ZBTB20: variants seen among roughly 807,000 people sequenced by gnomAD.
ZBTB20 encodes the protein zinc finger and BTB domain containing 20, also known as zinc finger and BTB domain-containing protein 20.
Under a neutral mutation model 56.9 loss-of-function variants are expected in ZBTB20, and 9 were observed. The ratio of observed to expected loss-of-function variants is 0.16; its 90% CI spans 0.10 to 0.28. The LOEUF is 0.28. Among genes scored for constraint, ZBTB20 ranks in the 10% least tolerant of loss-of-function variants. The probability of loss-of-function intolerance (pLI) is 1.00; values close to 1 mark genes in which losing one functional copy is unlikely to be tolerated. For missense variants in ZBTB20, 655 were observed against 1,003.0 expected, an observed-to-expected ratio of 0.65 and a Z score of 4.69; for synonymous variants, 417 against 420.7, an observed-to-expected ratio of 0.99 and a Z score of 0.11.
intron 4 of ZBTB20, among the ~76,000 whole-genome samples, chr3:114,844,498 T>C (rs1298552769): frequency 1.2e-4 from 11 of 92,978 alleles, no homozygotes; most frequent in South Asian, 4.1e-4. Flanking sequence ...TCCAGGCTGG[T>C]TGACAGAGCA....
At chr3:114,570,100 C>T (rs1195044722) in intron 6 of ZBTB20, among the ~76,000 whole-genome samples, 1 of 152,030 alleles carries the variant, frequency 6.6e-6, no homozygotes, top group Non-Finnish European at 1.5e-5. Flanking sequence ...CAGTAATTTG[C>T]AATAAGGATA....
chr3:114,857,536 C>T (rs1029714997), intron 4 of ZBTB20, among the ~76,000 whole-genome samples: 1 of 152,216 alleles, frequency 6.6e-6, no homozygotes, highest in East Asian at 1.9e-4. Context: ...TTACTAGCGC[C>T]GTTATCCTAT....
intron 1 of ZBTB20, among the ~76,000 whole-genome samples, chr3:115,142,391 G>C (rs531526346): frequency 1.3e-5 from 2 of 152,056 alleles, no homozygotes; most frequent in Non-Finnish European, 2.9e-5. Context: ...GGCTGGGCAC[G>C]GTGGCTCACA....
chr3:114,558,375 A>G (rs954527291), intron 6 of ZBTB20, among the ~76,000 whole-genome samples: 2 of 151,930 alleles, frequency 1.3e-5, no homozygotes, highest in African/African-American at 4.8e-5. Context: ...ACAGTACCTC[A>G]TTTGCGAACA....
rs2079077056 is a variant in ZBTB20 at position 114,326,717 on chromosome 3, G to C, written c.*12288C>G. ...AAGTAATAATTATGCTTAAATCAAGGTTTATAGATAGCAAACAACTGTTTG... is the reference window on the plus strand; with the variant it reads ...AAGTAATAATTATGCTTAAATCAAGCTTTATAGATAGCAAACAACTGTTTG... On this transcript the variant is annotated 3_prime_UTR_variant, in exon 12 of 12. Coordinates refer to ENST00000675478, the MANE Select transcript of ZBTB20 (RefSeq NM_001348800.3). The C allele has an allele frequency of 6.6e-6, 1 of 152,132 alleles. No individual in the cohort carries two copies. The highest frequency in any genetic ancestry group is 2.1e-4 in the South Asian group (1 of 4,826). The allele number at this position is 152,132 out of a possible 1,614,324, so 9.4% of individuals were successfully genotyped here. A position where few individuals can be genotyped will look rare whatever the true frequency, so the allele number is the denominator to read the frequency against.
chr3:114,458,149 C>T (rs1246870448), intron 7 of ZBTB20, among the ~76,000 whole-genome samples: 3 of 152,056 alleles, frequency 2.0e-5, no homozygotes, highest in Non-Finnish European at 2.9e-5. Context: ...AAATATCTGA[C>T]GGCATTTTCA....
chr3:114,680,794 A>G (rs1457363102), intron 6 of ZBTB20, among the ~76,000 whole-genome samples: 4 of 152,234 alleles, frequency 2.6e-5, no homozygotes, highest in Admixed American at 2.6e-4. Context: ...GGTACAGATC[A>G]TGCTAGAGTC....
chr3:114,748,333 T>C (rs868262883), intron 5 of ZBTB20, among the ~76,000 whole-genome samples: 4,236 of 93,860 alleles, frequency 0.045, 92 homozygotes, highest in African/African-American at 0.068. Context: ...TTTCTTTCTT[T>C]CTTCTTTCTT....
chr3:114,520,621 T>C (rs927402084), intron 6 of ZBTB20, among the ~76,000 whole-genome samples: 1 of 152,172 alleles, frequency 6.6e-6, no homozygotes, highest in Non-Finnish European at 1.5e-5. Context: ...TAATGCTTTA[T>C]TAAACATATT....
chr3:114,375,298 C>T (rs975464088), intron 10 of ZBTB20, among the ~76,000 whole-genome samples: 3 of 152,136 alleles, frequency 2.0e-5, no homozygotes, highest in East Asian at 3.8e-4. Context: ...TTGCTACTAA[C>T]GCCTTTCAAT....
At chr3:114,876,042 T>C (rs1482331836) in intron 4 of ZBTB20, among the ~76,000 whole-genome samples, 1 of 151,710 alleles carries the variant, frequency 6.6e-6, no homozygotes, top group African/African-American at 2.4e-5. Context: ...AAGACCAGCC[T>C]GGGCAAAACA....
intron 3 of ZBTB20, among the ~76,000 whole-genome samples, chr3:114,927,382 CAT>C (rs2076198114): frequency 6.6e-6 from 1 of 152,182 alleles, no homozygotes; most frequent in Admixed American, 6.5e-5. Context: ...GTCTTGGGCA[CAT>C]GTTATCAAAA....
intron 7 of ZBTB20, among the ~76,000 whole-genome samples, chr3:114,430,775 A>G (rs1367977215): frequency 6.6e-6 from 1 of 152,144 alleles, no homozygotes; most frequent in East Asian, 1.9e-4. Flanking sequence ...TCCTACAAAA[A>G]CCTGGCACAG....
rs576686317 is a variant in ZBTB20, at chr3:114,900,789, T to C, written c.-455-447A>G. Reference sequence around the variant, plus strand: ...ATGTTGTTAAGGAAGAAAGGTGCTTTTGTAGAGCAGTCCACAAAAAAATGC... The same window carrying C: ...ATGTTGTTAAGGAAGAAAGGTGCTTCTGTAGAGCAGTCCACAAAAAAATGC... On this transcript the variant is annotated intron_variant, in intron 3 of 11. Coordinates refer to ENST00000675478, the MANE Select transcript of ZBTB20 (RefSeq NM_001348800.3). Among the ~76,000 whole-genome samples the C allele has an allele frequency of 1.0e-3, 154 of 152,230 alleles. 1 individual carries two copies. Among genetic ancestry groups the C allele is most frequent in the African/African-American group, 3.6e-3 (148 of 41,560 alleles).
At chr3:114,652,217 A>G (rs1239617709) in intron 6 of ZBTB20, among the ~76,000 whole-genome samples, 1 of 151,988 alleles carries the variant, frequency 6.6e-6, no homozygotes, top group East Asian at 1.9e-4. Flanking sequence ...CCCATAAACA[A>G]CCAGCATTCT....
At chr3:115,117,441 T>C (rs992081567) in intron 1 of ZBTB20, among the ~76,000 whole-genome samples, 1 of 152,164 alleles carries the variant, frequency 6.6e-6, no homozygotes, top group Non-Finnish European at 1.5e-5. Flanking sequence ...ATTATCTAAA[T>C]GTTGGTTTCT....
In ZBTB20 at chr3:115,020,735, C is replaced by G. The variant is rs139698729; in HGVS notation, c.-506-46319G>C. On this transcript the variant is annotated intron_variant, in intron 2 of 11. Transcript: ENST00000675478. ...CTCTACTTTAAATAAACATATTGTA[C>G]ATATACTCTATACACACACACATAT... 9.7e-4 allele frequency among the ~76,000 whole-genome samples: 147 copies of G among 151,022 alleles called. 1 individual carries two copies. In the East Asian group the frequency reaches 0.022, roughly 23 times the overall value.
At chr3:114,376,065 G>C (rs1183827990) in intron 10 of ZBTB20, among the ~76,000 whole-genome samples, 1 of 152,222 alleles carries the variant, frequency 6.6e-6, no homozygotes, top group Non-Finnish European at 1.5e-5. Context: ...AAATGTGACT[G>C]GCACGGAAGT....
chr3:114,487,781 C>A (rs1278653541), intron 7 of ZBTB20, among the ~76,000 whole-genome samples: 2 of 152,192 alleles, frequency 1.3e-5, no homozygotes, highest in Non-Finnish European at 2.9e-5. Flanking sequence ...CCTGAAGTTG[C>A]TGAAGAATAT....
Sources: gnomAD v4.1 joint callset for allele counts (sites outside exome capture counted in the v4.1 genomes callset) on GRCh38, gnomAD v4.1.1 for gene constraint, MANE v1.5 for transcripts, NCBI Gene and HGNC (gene_info 2026-07-23, HGNC 2026-07-21) for gene names.